Variants in HHIP observed in about 807,000 individuals in gnomAD.
HHIP encodes hedgehog interacting protein.
A neutral mutation model predicts 74.0 loss-of-function variants in HHIP; 12 were observed. The ratio of observed to expected loss-of-function variants is 0.16; its 90% confidence interval spans 0.10 to 0.26. The LOEUF is 0.26. Among genes scored for constraint, HHIP ranks in the 10% least tolerant of loss-of-function variants. The pLI, the probability that HHIP is intolerant of heterozygous loss-of-function variation, is 1.00. For missense variants in HHIP, 788 were observed against 845.0 expected (o/e 0.93, Z 0.84); for synonymous variants, 309 against 311.6 (o/e 0.99, Z 0.09).
intron 11 of HHIP, among the ~76,000 whole-genome samples, chr4:144,729,399 C>T (rs1286655425): frequency 6.6e-6 from 1 of 152,136 alleles, no homozygotes; most frequent in Non-Finnish European, 1.5e-5. Context: ...TCAGAGCATT[C>T]TGTACTTGGA....
chr4:144,729,753 C>G (rs1730897070), intron 11 of HHIP, among the ~76,000 whole-genome samples: 1 of 152,160 alleles, frequency 6.6e-6, no homozygotes, highest in Admixed American at 6.6e-5. Flanking sequence ...CACCCTTAAA[C>G]ATAAAGCTGT....
rs141576256 is a variant in HHIP at position 144,685,074 on chromosome 4, G to A, written c.832-21457G>A. ...TGCTCAACTTACACTGACATTCCCCGTCCATGTGGGCCATAAGCTCCTGGA... is the reference window on the plus strand; with the variant it reads ...TGCTCAACTTACACTGACATTCCCCATCCATGTGGGCCATAAGCTCCTGGA... On this transcript the variant is annotated intron_variant, in intron 4 of 12. Transcript: ENST00000296575. Among the ~76,000 whole-genome samples, 702 of 152,190 alleles carry A rather than the reference G, an allele frequency of 4.6e-3. 2 individuals are homozygous for A. The highest frequency in any genetic ancestry group is 8.4e-3 in the Non-Finnish European group (570 of 68,006).
intron 4 of HHIP, among the ~76,000 whole-genome samples, chr4:144,700,235 A>G (rs1729939226): frequency 6.6e-6 from 1 of 152,196 alleles, no homozygotes; most frequent in Non-Finnish European, 1.5e-5. Context: ...AGCTTGTTGT[A>G]ACAGAGTGTA....
intron 4 of HHIP, among the ~76,000 whole-genome samples, chr4:144,696,231 A>G (rs1026522893): frequency 3.9e-5 from 6 of 151,920 alleles, no homozygotes; most frequent in Middle Eastern, 3.4e-3. Context: ...CCTTTGCCTC[A>G]GTGAGTGTAT....
intron 10 of HHIP, among the ~76,000 whole-genome samples, chr4:144,717,872 C>T (rs970551156): frequency 1.3e-5 from 2 of 152,094 alleles, no homozygotes; most frequent in Admixed American, 6.6e-5. Flanking sequence ...TTCATGTGGC[C>T]TCAAATTAGC....
At position 144,742,930 on chromosome 4, in the gene HHIP, A is replaced by T. The variant is rs1353740869; in HGVS notation, c.*4973A>T. On this transcript the variant is annotated 3_prime_UTR_variant, in exon 13 of 13. Transcript: ENST00000296575. ...ATATATATCTTATATATATATCTTT[A>T]TATATATCTTATATATATATCTTAT... The T allele has an allele frequency of 1.6e-5, 2 of 123,236 alleles. No homozygotes were observed. The highest frequency in any genetic ancestry group is 6.4e-5 in the African/African-American group (2 of 31,490). The allele number at this position is 123,236 out of a possible 1,614,324, so 7.6% of individuals were successfully genotyped here.
At chr4:144,728,856 C>T (rs1017586649) in intron 11 of HHIP, among the ~76,000 whole-genome samples, 4 of 152,016 alleles carry the variant, frequency 2.6e-5, no homozygotes, top group Non-Finnish European at 4.4e-5. Flanking sequence ...GATTCCTCGG[C>T]GAAATTTAGT....
At chr4:144,667,758 T>C (rs1246462896) in intron 4 of HHIP, among the ~76,000 whole-genome samples, 1 of 152,196 alleles carries the variant, frequency 6.6e-6, no homozygotes, top group Non-Finnish European at 1.5e-5. Flanking sequence ...TATAGTAATG[T>C]CGGTCTTTTT....
intron 4 of HHIP, among the ~76,000 whole-genome samples, chr4:144,669,035 T>C (rs1728960062): frequency 6.6e-6 from 1 of 150,676 alleles, no homozygotes; most frequent in Non-Finnish European, 1.5e-5. Flanking sequence ...ATAATATTTA[T>C]ATGCAATAAG....
chr4:144,695,804 G>A (rs544662206), intron 4 of HHIP, among the ~76,000 whole-genome samples: 44 of 151,934 alleles, frequency 2.9e-4, no homozygotes, highest in African/African-American at 9.2e-4. Context: ...CACATGCCAC[G>A]TAAATCTCCT....
chr4:144,668,365 G>A (rs557898594), intron 4 of HHIP, among the ~76,000 whole-genome samples: 1 of 150,866 alleles, frequency 6.6e-6, no homozygotes, highest in Non-Finnish European at 1.5e-5. Context: ...AATCAGAGAA[G>A]AGAGAACTTT....
intron 11 of HHIP, among the ~76,000 whole-genome samples, chr4:144,725,659 C>T (rs906368442): frequency 8.5e-5 from 12 of 141,876 alleles, no homozygotes; most frequent in South Asian, 2.3e-4. Flanking sequence ...GGTGTGTGCG[C>T]GTGCGTGTGT....
chr4:144,677,382 TGTA>T lies in HHIP; in HGVS notation c.831+17546_831+17548del, dbSNP rs562637071. Among the ~76,000 whole-genome samples, 38 of 152,316 alleles carry T rather than the reference TGTA, an allele frequency of 2.5e-4. No individual in the cohort carries two copies. The East Asian group carries it at 6.9e-3, about 28-fold the overall frequency. On this transcript the variant is annotated intron_variant, in intron 4 of 12. Coordinates refer to ENST00000296575, the MANE Select transcript of HHIP (RefSeq NM_022475.3). ...CAGGCTTTCTCCTTGCAGCACAGAT[TGTA>T]GCAGCTCTAAGCTTACATCCTACCA... is the stretch of plus-strand genomic sequence containing the variant.
intron 4 of HHIP, among the ~76,000 whole-genome samples, chr4:144,681,216 G>A (rs1729328999): frequency 6.6e-6 from 1 of 151,982 alleles, no homozygotes; most frequent in South Asian, 2.1e-4. Flanking sequence ...GGATTTTCAG[G>A]TGTATATTAA....
At chr4:144,659,585 C>T in intron 3 of HHIP, 52 bp from the exon 4 acceptor site, 1 of 1,239,190 alleles carries the variant, frequency 8.1e-7, no homozygotes, top group African/African-American at 1.5e-5. Context: ...AAGTGCATCC[C>T]TTATCTCCTT....
At chr4:144,679,515 T>A (rs2126618474) in intron 4 of HHIP, among the ~76,000 whole-genome samples, 1 of 152,346 alleles carries the variant, frequency 6.6e-6, no homozygotes, top group Non-Finnish European at 1.5e-5. Flanking sequence ...GGTCTTACAT[T>A]TAAGTTTTTA....
intron 4 of HHIP, among the ~76,000 whole-genome samples, chr4:144,704,708 C>T (rs1004461128): frequency 2.0e-5 from 3 of 152,324 alleles, no homozygotes; most frequent in Admixed American, 1.3e-4. Flanking sequence ...CAGTACTTAA[C>T]CTGCACTCAC....
chr4:144,646,685 A>G lies in HHIP; in HGVS notation c.10A>G (p.Met4Val). MLKMLSFKLLLLAV... is the reference protein window; with the variant it reads MLKVLSFKLLLLAV... ...CTGCTCTGGGCAGACGATGCTGAAG[A>G]TGCTCTCCTTTAAGCTGCTGCTGCT... Residue 4 changes from methionine to valine, a missense_variant, in exon 1 of 13, where the codon ATG (methionine) becomes GTG (valine). Transcript: ENST00000296575. The G allele has an allele frequency of 6.2e-7, 1 of 1,613,980 alleles. No individual in the cohort carries two copies. The highest frequency in any genetic ancestry group is 8.5e-7 in the Non-Finnish European group (1 of 1,179,934).
At chr4:144,647,882 C>T (rs1728310338) in intron 1 of HHIP, among the ~76,000 whole-genome samples, 1 of 152,092 alleles carries the variant, frequency 6.6e-6, no homozygotes, top group African/African-American at 2.4e-5. Context: ...CTCCCTTTCC[C>T]CATTTTAGGT....
Sources: gnomAD v4.1 joint callset for allele counts (sites outside exome capture counted in the v4.1 genomes callset) on GRCh38, gnomAD v4.1.1 for gene constraint, MANE v1.5 for transcripts, NCBI Gene and HGNC (gene_info 2026-07-23, HGNC 2026-07-21) for gene names.